Variants in PARD3 observed in about 807,000 individuals in gnomAD.
PARD3 encodes par-3 family cell polarity regulator.
In PARD3, 75 loss-of-function variants were observed where a neutral mutation model predicts 155.4. The ratio of observed to expected loss-of-function variants is 0.48; its 90% CI spans 0.40 to 0.58. The LOEUF is 0.58. Among genes scored for constraint, PARD3 ranks in the 20% least tolerant of loss-of-function variants. The pLI is 0.00. For synonymous variants in PARD3, 576 were observed against 610.5 expected (o/e 0.94, Z 0.83); for missense variants, 1,642 against 1,721.7 (o/e 0.95, Z 0.82).
At chr10:34,573,544 G>A (rs2086605681) in intron 2 of PARD3, among the ~76,000 whole-genome samples, 1 of 151,894 alleles carries the variant, frequency 6.6e-6, no homozygotes, top group African/African-American at 2.4e-5. Context: ...TCTACCAAAA[G>A]ACAAAAAATA....
intron 2 of PARD3, among the ~76,000 whole-genome samples, chr10:34,674,356 C>T (rs2093663136): frequency 6.6e-6 from 1 of 152,178 alleles, no homozygotes. Context: ...TGTAGAACTG[C>T]CCCTGAGCTG....
intron 5 of PARD3, among the ~76,000 whole-genome samples, chr10:34,444,727 A>G (rs1221652486): frequency 6.6e-6 from 1 of 152,226 alleles, no homozygotes; most frequent in Non-Finnish European, 1.5e-5. Flanking sequence ...ATATTCTTAT[A>G]GAAAGAAGAT....
chr10:34,481,235 C>T (rs1042661578), intron 3 of PARD3, among the ~76,000 whole-genome samples: 2 of 152,008 alleles, frequency 1.3e-5, no homozygotes, highest in East Asian at 1.9e-4. Context: ...TATCATCACC[C>T]TCCTCCCTTT....
rs527930036 is a variant in PARD3 at position 34,418,462 on chromosome 10, C to A, written c.715-16545G>T. Among the ~76,000 whole-genome samples, 102 of 152,288 alleles carry A rather than the reference C, an allele frequency of 6.7e-4. 1 individual carries two copies. Among genetic ancestry groups the A allele is most frequent in the South Asian group, 6.2e-3 (30 of 4,826 alleles). Reference sequence around the variant, plus strand: ...GTGCTGGGACTACAGGTGTGAGTCACCGCACCCAGCATATATTCTTTATTT... The same window carrying A: ...GTGCTGGGACTACAGGTGTGAGTCAACGCACCCAGCATATATTCTTTATTT... On this transcript the variant is annotated intron_variant, in intron 5 of 24. Coordinates refer to ENST00000374788, the MANE Select transcript of PARD3 (RefSeq NM_001184785.2).
chr10:34,800,403 A>G (rs921655300), intron 1 of PARD3, among the ~76,000 whole-genome samples: 9 of 152,202 alleles, frequency 5.9e-5, no homozygotes, highest in African/African-American at 2.2e-4. Flanking sequence ...TGAGGTCAGG[A>G]GTTCAAGACC....
At chr10:34,548,680 TTC>T (rs971829623) in intron 2 of PARD3, among the ~76,000 whole-genome samples, 1 of 152,048 alleles carries the variant, frequency 6.6e-6, no homozygotes, top group African/African-American at 2.4e-5. Context: ...TTCCACTCTC[TTC>T]TGTGGGGAAA....
At chr10:34,688,710 G>C (rs975550889) in intron 2 of PARD3, among the ~76,000 whole-genome samples, 3 of 152,180 alleles carry the variant, frequency 2.0e-5, no homozygotes, top group Admixed American at 6.5e-5. Context: ...AGTGAGAACT[G>C]TATAGGCACT....
chr10:34,210,117 A>G (rs899982708), intron 22 of PARD3, among the ~76,000 whole-genome samples: 2 of 152,194 alleles, frequency 1.3e-5, no homozygotes, highest in Non-Finnish European at 2.9e-5. Flanking sequence ...GCTCAATGCG[A>G]GGCCAGGACT....
intron 5 of PARD3, among the ~76,000 whole-genome samples, chr10:34,449,952 G>T (rs943140302): frequency 6.6e-6 from 1 of 152,178 alleles, no homozygotes; most frequent in Non-Finnish European, 1.5e-5. Context: ...TTTAATTTGC[G>T]TCTTCAGATC....
chr10:34,503,075 T>C (rs1443912518), intron 3 of PARD3, among the ~76,000 whole-genome samples: 3 of 152,172 alleles, frequency 2.0e-5, no homozygotes, highest in Non-Finnish European at 4.4e-5. Flanking sequence ...TTGGCTATTA[T>C]CAAATATTAG....
chr10:34,448,683 A>G (rs1252292383), intron 5 of PARD3, among the ~76,000 whole-genome samples: 2 of 151,926 alleles, frequency 1.3e-5, no homozygotes, highest in East Asian at 3.9e-4. Context: ...GTGTACATGT[A>G]TAGTCCTAGC....
At chr10:34,682,031 G>C (rs2093852510) in intron 2 of PARD3, among the ~76,000 whole-genome samples, 1 of 151,588 alleles carries the variant, frequency 6.6e-6, no homozygotes, top group African/African-American at 2.4e-5. Flanking sequence ...ATAAATATGT[G>C]AGGGCTAGAT....
At chr10:34,675,855 A>G (rs1055824360) in intron 2 of PARD3, 1 of 201,016 alleles carries the variant, frequency 5.0e-6, no homozygotes, top group Non-Finnish European at 1.1e-5. Flanking sequence ...AACTTCACAC[A>G]CACACACACG....
intron 22 of PARD3, among the ~76,000 whole-genome samples, chr10:34,162,296 C>G (rs754991759): frequency 3.9e-5 from 6 of 152,188 alleles, no homozygotes; most frequent in East Asian, 1.9e-4. Context: ...TATATAGAAG[C>G]CCTCGTATTC....
At chr10:34,674,707 G>A (rs550701700) in intron 2 of PARD3, among the ~76,000 whole-genome samples, 5 of 151,928 alleles carry the variant, frequency 3.3e-5, no homozygotes, top group African/African-American at 9.6e-5. Flanking sequence ...GGCTGGTCTC[G>A]AACTCCTGAC....
intron 3 of PARD3, among the ~76,000 whole-genome samples, chr10:34,507,684 C>T (rs2081170509): frequency 6.6e-6 from 1 of 152,036 alleles, no homozygotes; most frequent in Non-Finnish European, 1.5e-5. Flanking sequence ...ATATTCACCA[C>T]CAACCCTGCA....
At chr10:34,352,739 G>A (rs535424961) in intron 14 of PARD3, among the ~76,000 whole-genome samples, 3 of 152,202 alleles carry the variant, frequency 2.0e-5, no homozygotes, top group Admixed American at 1.3e-4. Flanking sequence ...CCAAAGTGCC[G>A]AGATTGCAGC....
chr10:34,203,514 T>C (rs1051738961), intron 22 of PARD3, among the ~76,000 whole-genome samples: 1 of 152,224 alleles, frequency 6.6e-6, no homozygotes, highest in African/African-American at 2.4e-5. Context: ...TGGTGTAATA[T>C]TTGCATATAA....
chr10:34,284,129 G>C lies in PARD3; in HGVS notation c.3176+6C>G, dbSNP rs745427445. The C allele has an allele frequency of 5.3e-6, 8 of 1,506,638 alleles. No individual in the cohort carries two copies. The highest frequency in any genetic ancestry group is 7.3e-6 in the Non-Finnish European group (8 of 1,094,432). 93.3% of individuals were successfully genotyped at this position (1,506,638 alleles called of 1,614,324 possible). On this transcript the variant is annotated splice_donor_region_variant and intron_variant, in intron 21 of 24. Transcript: ENST00000374788. The stretch of plus-strand genomic sequence containing the variant: ...AAGGAGGTTTAATCAAGTAACTGAA[G>C]TCTACCTCTCCTGCTCCTGCTTCAT...
Sources: allele counts gnomAD v4.1 joint callset (sites outside exome capture counted in the v4.1 genomes callset), GRCh38; gene constraint gnomAD v4.1.1; transcripts MANE v1.5; gene names NCBI Gene and HGNC (gene_info 2026-07-23, HGNC 2026-07-21).